The following SUPT3H variants were observed in gnomAD, a reference collection of about 807,000 sequenced individuals.
SUPT3H encodes transcription initiation protein SPT3 homolog.
In SUPT3H, 44 loss-of-function variants were observed where a neutral mutation model predicts 44.3. The observed-to-expected ratio is 0.99, with a 90% CI of 0.78 to 1.28. The LOEUF (loss-of-function observed/expected upper bound fraction) is 1.28. Among genes scored for constraint, SUPT3H ranks in the 50% most tolerant of loss-of-function variants. The pLI, the probability that SUPT3H is intolerant of heterozygous loss-of-function variation, is 0.00. For synonymous variants in SUPT3H, 124 were observed against 125.6 expected (o/e 0.99, Z 0.09); for missense variants, 380 against 387.1 (o/e 0.98, Z 0.15).
intron 9 of SUPT3H, among the ~76,000 whole-genome samples, chr6:44,950,614 C>T (rs1055963793): frequency 5.9e-5 from 9 of 152,008 alleles, no homozygotes; most frequent in Non-Finnish European, 1.0e-4. Context: ...CATAGAAAAT[C>T]TAGAAAGTTA....
chr6:45,303,962 G>A (rs1232310428), intron 2 of SUPT3H, among the ~76,000 whole-genome samples: 1 of 150,010 alleles, frequency 6.7e-6, no homozygotes. Context: ...GGGCGACAGA[G>A]CAAGACTCTG....
At chr6:44,884,044 G>C (rs1313456714) in intron 10 of SUPT3H, among the ~76,000 whole-genome samples, 1 of 152,174 alleles carries the variant, frequency 6.6e-6, no homozygotes, top group East Asian at 1.9e-4. Flanking sequence ...CTTCTGCACA[G>C]TGAAAGAAAC....
intron 2 of SUPT3H, among the ~76,000 whole-genome samples, chr6:45,340,044 A>C (rs936279166): frequency 6.6e-6 from 1 of 152,192 alleles, no homozygotes; most frequent in African/African-American, 2.4e-5. Context: ...ATGGGATTCC[A>C]ACCCAAGCCT....
chr6:45,277,703 G>T (rs1427168180), intron 2 of SUPT3H, among the ~76,000 whole-genome samples: 1 of 152,112 alleles, frequency 6.6e-6, no homozygotes. Context: ...TTCCAAACAT[G>T]ACTTGGATCT....
At chr6:45,366,321 G>C (rs1224528287) in intron 1 of SUPT3H, among the ~76,000 whole-genome samples, 1 of 152,182 alleles carries the variant, frequency 6.6e-6, no homozygotes, top group Non-Finnish European at 1.5e-5. Context: ...CCTTTGCTAA[G>C]ACTTTGGGCA....
chr6:44,997,016 ACTATT>A (rs1166990761), intron 6 of SUPT3H, among the ~76,000 whole-genome samples: 1 of 151,712 alleles, frequency 6.6e-6, no homozygotes, highest in Non-Finnish European at 1.5e-5. Context: ...CTAGTACCAC[ACTATT>A]TTGACTGTCG....
chr6:45,077,268 C>T (rs1167903954), intron 3 of SUPT3H, among the ~76,000 whole-genome samples: 4 of 152,118 alleles, frequency 2.6e-5, no homozygotes, highest in African/African-American at 9.7e-5. Flanking sequence ...TATATCCTCT[C>T]TATTGAGATA....
chr6:45,217,106 T>C (rs944047580), intron 2 of SUPT3H, among the ~76,000 whole-genome samples: 7 of 152,152 alleles, frequency 4.6e-5, no homozygotes, highest in Admixed American at 1.3e-4. Context: ...AATTATTATG[T>C]GTTAATGAAA....
At position 45,192,404 on chromosome 6, in the gene SUPT3H, G is replaced by A. The variant is rs554203420; in HGVS notation, c.102-86398C>T. Among the ~76,000 whole-genome samples the A allele has an allele frequency of 8.5e-5, 13 of 152,160 alleles. No individual in the cohort carries two copies. In the South Asian group the frequency reaches 2.5e-3, roughly 29 times the overall value. ...ACAAGAATTATATTCTTTGAAATGA[G>A]AATGGTTAACTTGGGATCAGATGAA... is the stretch of plus-strand genomic sequence containing the variant. On this transcript the variant is annotated intron_variant, in intron 2 of 10. Coordinates refer to ENST00000371459, the MANE Select transcript of SUPT3H (RefSeq NM_003599.4).
At chr6:45,321,796 C>CTACTTGCCACAATTTCCCACTACT (rs761785501) in intron 2 of SUPT3H, 1 of 1,600,182 alleles carries the variant, frequency 6.2e-7, no homozygotes, top group South Asian at 1.1e-5. Context: ...CACTACTTAC[C>CTACTTGCCACAATTTCCCACTACT]TGCCAGAATC....
intron 2 of SUPT3H, among the ~76,000 whole-genome samples, chr6:45,198,130 ATACT>A (rs1055098160): frequency 6.6e-6 from 1 of 151,444 alleles, no homozygotes; most frequent in Non-Finnish European, 1.5e-5. Flanking sequence ...CTTTAAAATG[ATACT>A]TAATCATATC....
In SUPT3H at chr6:44,853,006, T is replaced by C. The variant is rs1198985362; in HGVS notation, c.913-23149A>G. 7.3e-4 allele frequency among the ~76,000 whole-genome samples: 39 copies of C among 53,746 alleles called. 1 individual carries two copies. In the East Asian group the frequency reaches 0.014, roughly 20 times the overall value. 35.3% of individuals were successfully genotyped at this position (53,746 alleles called of 152,430 possible). ...TTAACATTTTTAAATAATGTCCTAG[T>C]GGCTGTAGAAAGTATGTTACCTAAC... On this transcript the variant is annotated intron_variant, in intron 10 of 10. Transcript: ENST00000371459.
intron 6 of SUPT3H, among the ~76,000 whole-genome samples, chr6:44,964,264 T>C (rs1776473555): frequency 6.6e-6 from 1 of 152,056 alleles, no homozygotes. Context: ...TGAAACTAGA[T>C]CGAGAATGAT....
intron 2 of SUPT3H, among the ~76,000 whole-genome samples, chr6:45,245,319 ATTC>A (rs1401662099): frequency 1.3e-5 from 2 of 152,152 alleles, no homozygotes; most frequent in African/African-American, 4.8e-5. Context: ...TATTGTAACC[ATTC>A]TTAAGGTTAA....
intron 2 of SUPT3H, among the ~76,000 whole-genome samples, chr6:45,240,293 C>A (rs757593784): frequency 6.6e-6 from 1 of 152,098 alleles, no homozygotes; most frequent in African/African-American, 2.4e-5. Context: ...CCTGTCACAA[C>A]GAGTAATTTA....
downstream of SUPT3H, among the ~76,000 whole-genome samples, chr6:44,826,569 C>T (rs1767771952): frequency 6.6e-6 from 1 of 152,132 alleles, no homozygotes; most frequent in Admixed American, 6.5e-5. Context: ...AAGGTTCTAT[C>T]CAAATTCCAG....
chr6:45,321,732 C>A, intron 2 of SUPT3H: 1 of 1,144,734 alleles, frequency 8.7e-7, no homozygotes, highest in South Asian at 1.3e-5. Flanking sequence ...CTAATACATT[C>A]TCTCTTCTAC....
chr6:44,939,792 T>C (rs1035145533), intron 9 of SUPT3H, among the ~76,000 whole-genome samples: 7 of 152,182 alleles, frequency 4.6e-5, no homozygotes, highest in Non-Finnish European at 8.8e-5. Context: ...GGAGGTTGTA[T>C]GTTTCCAGGA....
intron 2 of SUPT3H, chr6:45,328,326 C>T: frequency 7.3e-7 from 1 of 1,371,950 alleles, no homozygotes; most frequent in Non-Finnish European, 9.8e-7. Flanking sequence ...TGTGTGAATG[C>T]TTCATTCGCC....
Sources: allele counts gnomAD v4.1 joint callset (sites outside exome capture counted in the v4.1 genomes callset), GRCh38; gene constraint gnomAD v4.1.1; transcripts MANE v1.5; gene names NCBI Gene and HGNC (gene_info 2026-07-23, HGNC 2026-07-21).